Variants in DOP1B observed in about 807,000 individuals in gnomAD.
DOP1B encodes the protein protein DOP1B.
Under a neutral mutation model 233.5 loss-of-function variants are expected in DOP1B, and 174 were observed. That is an observed-to-expected ratio of 0.75 (90% CI 0.66 to 0.85). DOP1B has a LOEUF of 0.85. Ranked by LOEUF, DOP1B falls within the 40% of genes least tolerant of loss-of-function variation. The pLI, the probability that DOP1B is intolerant of heterozygous loss-of-function variation, is 0.00. For missense variants in DOP1B, 2,652 were observed against 2,846.6 expected, an observed-to-expected ratio of 0.93 and a Z score of 1.56; for synonymous variants, 1,190 against 1,185.6, an observed-to-expected ratio of 1.00 and a Z score of -0.08.
intron 2 of DOP1B, among the ~76,000 whole-genome samples, chr21:36,166,915 C>T (rs886903862): frequency 1.3e-5 from 2 of 152,204 alleles, no homozygotes; most frequent in Non-Finnish European, 2.9e-5. Context: ...GTCACGGCTC[C>T]GTGCTGGCTG....
chr21:36,286,826 T>C (rs945450017), intron 32 of DOP1B, among the ~76,000 whole-genome samples: 6 of 152,144 alleles, frequency 3.9e-5, no homozygotes, highest in African/African-American at 1.4e-4. Context: ...TAGCCGGGCA[T>C]GGTGGCAGAC....
At chr21:36,249,326 G>A (rs553958806) in intron 21 of DOP1B, among the ~76,000 whole-genome samples, 1 of 152,268 alleles carries the variant, frequency 6.6e-6, no homozygotes, top group Non-Finnish European at 1.5e-5. Context: ...TACTCAGGAG[G>A]CCGAGGCAAG....
At chr21:36,167,713 TC>T (rs2065926083) in intron 2 of DOP1B, among the ~76,000 whole-genome samples, 1 of 124,160 alleles carries the variant, frequency 8.1e-6, no homozygotes, top group African/African-American at 3.1e-5. Context: ...CATTCCTCCC[TC>T]CCCCCAGCCC....
At chr21:36,211,822 G>A (rs151325536) in intron 6 of DOP1B, 152 bp from the exon 7 acceptor site, 1,202 of 1,309,792 alleles carry the variant, frequency 9.2e-4, no homozygotes, top group Non-Finnish European at 1.2e-3. Context: ...TTCATTGCAC[G>A]TATTGAATAG....
At chr21:36,193,248 T>C (rs185216514) in intron 2 of DOP1B, among the ~76,000 whole-genome samples, 5 of 152,256 alleles carry the variant, frequency 3.3e-5, no homozygotes, top group Admixed American at 2.6e-4. Context: ...ATGAGAGCCT[T>C]CAGAAATGAA....
chr21:36,208,988 G>A, intron 5 of DOP1B, 84 bp downstream of exon 5: 2 of 1,355,770 alleles, frequency 1.5e-6, no homozygotes, highest in Non-Finnish European at 9.6e-7. Context: ...CACTGAAGCT[G>A]CAAAGGGACA....
rs371676081 is a variant in DOP1B at position 36,192,662 on chromosome 21, G to A, written c.139-6408G>A. On this transcript the variant is annotated intron_variant, in intron 2 of 36. Transcript: ENST00000691173. ...GCCTCTCAGAGTGCTGGGATTACAGGTGTGAGCCACTATGCCCAGCCACTT... is the reference window on the plus strand; with the variant it reads ...GCCTCTCAGAGTGCTGGGATTACAGATGTGAGCCACTATGCCCAGCCACTT... 5.3e-5 allele frequency among the ~76,000 whole-genome samples: 8 copies of A among 151,098 alleles called. No individual in the cohort carries two copies. The East Asian group carries it at 5.8e-4, about 11-fold the overall frequency.
chr21:36,208,579 C>A, intron 4 of DOP1B, 136 bp from the exon 5 acceptor site: 1 of 883,792 alleles, frequency 1.1e-6, no homozygotes, highest in Non-Finnish European at 1.7e-6. Flanking sequence ...GCAGCGGCTC[C>A]CGGCGATGAG....
chr21:36,279,137 C>G (rs1312742210), intron 30 of DOP1B, among the ~76,000 whole-genome samples: 2 of 151,588 alleles, frequency 1.3e-5, no homozygotes, highest in Non-Finnish European at 2.9e-5. Context: ...CAGGGCTGGT[C>G]ATGGTGGCTC....
intron 14 of DOP1B, 152 bp from the exon 15 acceptor site, chr21:36,232,652 A>G (rs1156707752): frequency 2.0e-6 from 2 of 1,014,036 alleles, no homozygotes; most frequent in African/African-American, 3.2e-5. Context: ...TTATTTCCAA[A>G]TAAGTCTCAC....
At chr21:36,277,713 G>T (rs897438624) in intron 28 of DOP1B, among the ~76,000 whole-genome samples, 2 of 151,662 alleles carry the variant, frequency 1.3e-5, no homozygotes, top group Non-Finnish European at 2.9e-5. Flanking sequence ...GGAGTGCAGT[G>T]GCGTGATCTC....
intron 2 of DOP1B, among the ~76,000 whole-genome samples, chr21:36,194,308 C>CTGCT (rs2066264155): frequency 6.6e-6 from 1 of 152,184 alleles, no homozygotes; most frequent in African/African-American, 2.4e-5. Context: ...CTAGATCACT[C>CTGCT]TGCTCTATGC....
rs1172730528 is a variant in DOP1B, at chr21:36,201,345, C to CTTTTTTTTTTTTTTTTTTTTTTTTT, written c.491+864_491+865insTTTTTTTTTTTTTTTTTTTTTTTTT. 6.5e-4 allele frequency among the ~76,000 whole-genome samples: 54 copies of CTTTTTTTTTTTTTTTTTTTTTTTTT among 83,248 alleles called. 6 individuals are homozygous for CTTTTTTTTTTTTTTTTTTTTTTTTT. Among genetic ancestry groups the CTTTTTTTTTTTTTTTTTTTTTTTTT allele is most frequent in the Non-Finnish European group, 8.3e-4 (38 of 45,758 alleles). 54.6% of individuals were successfully genotyped at this position (83,248 alleles called of 152,430 possible). On this transcript the variant is annotated intron_variant, in intron 4 of 36. Coordinates refer to ENST00000691173, the MANE Select transcript of DOP1B (RefSeq NM_001320714.2). ...TCTATTCCACTGTATCTATTGGATTCTTTTTTTTTTTTTTTTTTTTGAGAC... is the reference window on the plus strand; with the variant it reads ...TCTATTCCACTGTATCTATTGGATTCTTTTTTTTTTTTTTTTTTTTTTTTTTTTTTTTTTTTTTTTTTTTTGAGAC...
chr21:36,257,397 T>G (rs1424364175), intron 23 of DOP1B, among the ~76,000 whole-genome samples: 1 of 152,214 alleles, frequency 6.6e-6, no homozygotes, highest in Non-Finnish European at 1.5e-5. Flanking sequence ...TAGCAGGGCC[T>G]GCCTGTTCAG....
In DOP1B at chr21:36,293,506, C is replaced by T. The variant is rs373792157; in HGVS notation, c.6832C>T (p.Pro2278Ser). 1.2e-6 allele frequency: 2 copies of T among 1,613,910 alleles called. No individual in the cohort carries two copies. Among genetic ancestry groups the T allele is most frequent in the African/African-American group, 1.3e-5 (1 of 74,894 alleles). Residue 2278 changes from proline (P) to serine (S), a missense_variant, in exon 37 of 37, where the codon CCA becomes TCA. Pro to Ser is a moderately conservative substitution (Grantham distance 74). Coordinates refer to ENST00000691173, the MANE Select transcript of DOP1B (RefSeq NM_001320714.2). ...CTTGGACTTTCCTGTCACAGATAGCCCAAGGATCTTAAAACAACTGGAAGA... is the reference window on the plus strand; with the variant it reads ...CTTGGACTTTCCTGTCACAGATAGCTCAAGGATCTTAAAACAACTGGAAGA... ...PFLDFPVTDS[P>S]RILKQLEECI...
intron 23 of DOP1B, among the ~76,000 whole-genome samples, chr21:36,259,261 G>A (rs1282524287): frequency 8.4e-6 from 1 of 119,114 alleles, no homozygotes; most frequent in African/African-American, 3.4e-5. Context: ...CACTGCGCCC[G>A]GGCTTTTTTT....
intron 4 of DOP1B, among the ~76,000 whole-genome samples, chr21:36,206,212 A>AT (rs936436927): frequency 5.3e-5 from 8 of 151,928 alleles, no homozygotes; most frequent in East Asian, 1.9e-4. Context: ...GTATGCATCC[A>AT]TTTTTTTTAG....
chr21:36,269,599 C>T (rs550375807), intron 26 of DOP1B, among the ~76,000 whole-genome samples: 11 of 152,188 alleles, frequency 7.2e-5, no homozygotes, highest in Admixed American at 2.0e-4. Flanking sequence ...CAGCTCACTG[C>T]AGCTTCCACT....
chr21:36,244,983 C>G, intron 18 of DOP1B, 65 bp from the exon 19 acceptor site: 1 of 1,488,236 alleles, frequency 6.7e-7, no homozygotes, highest in Non-Finnish European at 9.0e-7. Flanking sequence ...CAAAGACCGC[C>G]CTACAGCTAA....
Sources: allele counts gnomAD v4.1 joint callset (sites outside exome capture counted in the v4.1 genomes callset), GRCh38; gene constraint gnomAD v4.1.1; transcripts MANE v1.5; gene names NCBI Gene and HGNC (gene_info 2026-07-23, HGNC 2026-07-21).